The following SMARCAD1 variants were observed in gnomAD, a reference collection of about 807,000 sequenced individuals.
SMARCAD1 encodes the protein SWI/SNF-related matrix-associated actin-dependent regulator of chromatin subfamily A containing DEAD/H box 1.
SMARCAD1 carries 25 observed loss-of-function variants against 127.1 expected under a neutral mutation model. The ratio of observed to expected loss-of-function variants is 0.20; its 90% CI spans 0.14 to 0.27. The LOEUF (loss-of-function observed/expected upper bound fraction) is 0.27. Among genes scored for constraint, SMARCAD1 ranks in the 10% least tolerant of loss-of-function variants. The probability of loss-of-function intolerance (pLI) is 1.00; values close to 1 mark genes in which losing one functional copy is unlikely to be tolerated. For missense variants in SMARCAD1, 807 were observed against 1,206.0 expected (o/e 0.67, Z 4.90); for synonymous variants, 400 against 396.9 (o/e 1.01, Z -0.09).
At chr4:94,221,346 C>T (rs1390990816) in intron 2 of SMARCAD1, among the ~76,000 whole-genome samples, 4 of 152,088 alleles carry the variant, frequency 2.6e-5, no homozygotes, top group Non-Finnish European at 4.4e-5. Flanking sequence ...ACGGTTTTAA[C>T]GTAATAGAAT....
intron 8 of SMARCAD1, 64 bp downstream of exon 8, chr4:94,250,897 A>T (rs1385062441): frequency 7.9e-7 from 1 of 1,266,548 alleles, no homozygotes; most frequent in Non-Finnish European, 1.1e-6. Flanking sequence ...AGTATATAAG[A>T]AAATGGTATA....
At chr4:94,269,764 G>A (rs1440470431) in intron 10 of SMARCAD1, among the ~76,000 whole-genome samples, 1 of 151,982 alleles carries the variant, frequency 6.6e-6, no homozygotes, top group Non-Finnish European at 1.5e-5. Flanking sequence ...TGCCTCCCAG[G>A]CTCAGGTGAT....
chr4:94,262,877 A>G (rs1397291985), intron 9 of SMARCAD1, among the ~76,000 whole-genome samples: 3 of 140,246 alleles, frequency 2.1e-5, no homozygotes, highest in Non-Finnish European at 3.0e-5. Flanking sequence ...CAACAGTTAC[A>G]GTAATTTCTG....
intron 2 of SMARCAD1, among the ~76,000 whole-genome samples, chr4:94,212,361 G>C (rs766064859): frequency 6.6e-6 from 1 of 152,042 alleles, no homozygotes; most frequent in Admixed American, 6.6e-5. Flanking sequence ...TTTCTGTAGA[G>C]ACGGCATTTC....
chr4:94,255,564 A>T (rs892585561), intron 9 of SMARCAD1, among the ~76,000 whole-genome samples: 2 of 151,892 alleles, frequency 1.3e-5, no homozygotes, highest in African/African-American at 2.4e-5. Context: ...TGTAGTAGAT[A>T]TATATAAAAT....
chr4:94,278,846 G>A (rs1301200487), intron 18 of SMARCAD1, 83 bp from the exon 19 acceptor site: 2 of 1,601,292 alleles, frequency 1.2e-6, no homozygotes, highest in African/African-American at 1.3e-5. Flanking sequence ...GGAATTTGAG[G>A]AAATAATTTT....
intron 2 of SMARCAD1, 118 bp downstream of exon 2, chr4:94,208,702 G>A (rs1741671609): frequency 9.8e-7 from 1 of 1,017,352 alleles, no homozygotes; most frequent in African/African-American, 1.6e-5. Context: ...GTCCTGCGGT[G>A]TGCCCTTTTA....
At position 94,264,695 on chromosome 4, in the gene SMARCAD1, T is replaced by C. The variant is rs368236725; in HGVS notation, c.1282-12T>C. On this transcript the variant is annotated splice_polypyrimidine_tract_variant and intron_variant, in intron 9 of 23. Coordinates refer to ENST00000354268, the MANE Select transcript of SMARCAD1 (RefSeq NM_020159.5). ...TCTGAACTATTCAATTATTTTTCTTTTTATGCTATAGTTCACAAAGATGTC... is the reference window on the plus strand; with the variant it reads ...TCTGAACTATTCAATTATTTTTCTTCTTATGCTATAGTTCACAAAGATGTC... 4 of 1,606,078 alleles carry C rather than the reference T, an allele frequency of 2.5e-6. No homozygotes were observed. Among genetic ancestry groups the C allele is most frequent in the African/African-American group, 2.7e-5 (2 of 74,694 alleles).
At chr4:94,242,797 A>G (rs1414199329) in intron 6 of SMARCAD1, among the ~76,000 whole-genome samples, 1 of 151,906 alleles carries the variant, frequency 6.6e-6, no homozygotes, top group Admixed American at 6.6e-5. Context: ...TGCAGCTGTA[A>G]TCTCAGCTAC....
At chr4:94,216,466 TA>T (rs1274174420) in intron 2 of SMARCAD1, among the ~76,000 whole-genome samples, 2 of 152,192 alleles carry the variant, frequency 1.3e-5, no homozygotes, top group African/African-American at 4.8e-5. Flanking sequence ...TATGATAAAA[TA>T]CACATAAGAA....
intron 3 of SMARCAD1, among the ~76,000 whole-genome samples, chr4:94,232,852 C>T (rs1221495921): frequency 2.0e-5 from 3 of 152,054 alleles, no homozygotes; most frequent in East Asian, 1.9e-4. Flanking sequence ...TGGTGGCAAG[C>T]ACCTGTGGTC....
At chr4:94,221,455 C>T (rs1744114777) in intron 2 of SMARCAD1, among the ~76,000 whole-genome samples, 1 of 152,076 alleles carries the variant, frequency 6.6e-6, no homozygotes, top group African/African-American at 2.4e-5. Context: ...GAAAAATATT[C>T]ACAATAATCT....
intron 9 of SMARCAD1, 28 bp downstream of exon 9, chr4:94,253,035 GTA>G (rs1560541562): frequency 6.2e-7 from 1 of 1,605,788 alleles, no homozygotes; most frequent in Non-Finnish European, 8.5e-7. Context: ...TTTTCCCCTT[GTA>G]TGTGTGTGTG....
intron 6 of SMARCAD1, among the ~76,000 whole-genome samples, chr4:94,242,276 C>G (rs909607192): frequency 6.6e-6 from 1 of 151,890 alleles, no homozygotes; most frequent in African/African-American, 2.4e-5. Flanking sequence ...AACTCCTGAC[C>G]TCAAGTGATC....
intron 2 of SMARCAD1, among the ~76,000 whole-genome samples, chr4:94,213,342 T>C (rs1448200000): frequency 2.0e-5 from 3 of 152,188 alleles, no homozygotes; most frequent in African/African-American, 7.2e-5. Flanking sequence ...CATTGTTTAC[T>C]GGGTGAACAA....
chr4:94,262,966 G>A (rs1185012962), intron 9 of SMARCAD1, among the ~76,000 whole-genome samples: 1 of 150,746 alleles, frequency 6.6e-6, no homozygotes, highest in Non-Finnish European at 1.5e-5. Context: ...GAACTTTTAA[G>A]GTCTTAAATT....
chr4:94,256,082 A>G (rs1353941378), intron 9 of SMARCAD1, among the ~76,000 whole-genome samples: 2 of 152,180 alleles, frequency 1.3e-5, no homozygotes, highest in African/African-American at 4.8e-5. Context: ...CCTTGCACAC[A>G]GTAGGGAGGG....
chr4:94,224,240 C>T (rs1744654639), intron 2 of SMARCAD1, among the ~76,000 whole-genome samples: 1 of 152,200 alleles, frequency 6.6e-6, no homozygotes, highest in Admixed American at 6.5e-5. Flanking sequence ...TTGCTTTTTG[C>T]TGTTGTTCCT....
chr4:94,207,822 G>T, upstream of SMARCAD1: 1 of 308,106 alleles, frequency 3.2e-6, no homozygotes, highest in Non-Finnish European at 6.4e-6. Context: ...ACCTTCCTGT[G>T]TGTTCTTAAT....
Sources: gnomAD v4.1 joint callset for allele counts (sites outside exome capture counted in the v4.1 genomes callset) on GRCh38, gnomAD v4.1.1 for gene constraint, MANE v1.5 for transcripts, NCBI Gene and HGNC (gene_info 2026-07-23, HGNC 2026-07-21) for gene names.